Variants in IFT122 observed in about 807,000 individuals in gnomAD.
IFT122 encodes the protein intraflagellar transport protein 122 homolog.
In IFT122, 118 loss-of-function variants were observed where a neutral mutation model predicts 161.6. The ratio of observed to expected loss-of-function variants is 0.73; its 90% CI spans 0.63 to 0.85. The LOEUF (loss-of-function observed/expected upper bound fraction) is 0.85, where lower values mean the gene tolerates loss of function less well. Ranked by LOEUF, IFT122 falls within the 40% of genes least tolerant of loss-of-function variation. The probability of loss-of-function intolerance (pLI) is 0.00; values close to 1 mark genes in which losing one functional copy is unlikely to be tolerated. For missense variants in IFT122, 1,381 were observed against 1,579.6 expected (o/e 0.87, Z 2.13); for synonymous variants, 550 against 602.4 (o/e 0.91, Z 1.27).
chr3:129,481,789 C>G, intron 14 of IFT122, 95 bp downstream of exon 14: 1 of 1,400,704 alleles, frequency 7.1e-7, no homozygotes, highest in Non-Finnish European at 1.0e-6. Context: ...TGCTCTGGCC[C>G]AGGCAGGTCT....
intron 18 of IFT122, among the ~76,000 whole-genome samples, chr3:129,499,125 TC>T (rs1357261269): frequency 6.6e-6 from 1 of 151,910 alleles, no homozygotes; most frequent in African/African-American, 2.4e-5. Context: ...TGCCTCAGAT[TC>T]CCCCATGGCC....
rs1280013063 is a variant in IFT122, at chr3:129,440,384, G to A, written c.41+13G>A. ...AAGCCGAGCACTGGTGAGGAGCGGG[G>A]CGGTTCGCGAAGAGCAGGAGGTCGA... On this transcript the variant is annotated intron_variant, in intron 1 of 29. Coordinates refer to ENST00000348417, the MANE Select transcript of IFT122 (RefSeq NM_052989.3). The A allele has an allele frequency of 6.4e-7, 1 of 1,550,490 alleles. No homozygotes were observed. The highest frequency in any genetic ancestry group is 2.0e-5 in the Admixed American group (1 of 51,004).
At chr3:129,456,135 C>A in intron 3 of IFT122, 1 of 627,932 alleles carries the variant, frequency 1.6e-6, no homozygotes, top group Non-Finnish European at 2.6e-6. Context: ...TCTTCAGTAG[C>A]TTGTTTGGGT....
intron 5 of IFT122, chr3:129,461,579 G>T (rs1415544031): frequency 2.1e-6 from 1 of 478,030 alleles, no homozygotes; most frequent in Non-Finnish European, 3.8e-6. Flanking sequence ...GCATAACTTG[G>T]TGTTGCTGCC....
At chr3:129,467,320 C>T (rs1196918258) in intron 8 of IFT122, among the ~76,000 whole-genome samples, 1 of 152,152 alleles carries the variant, frequency 6.6e-6, no homozygotes, top group Non-Finnish European at 1.5e-5. Flanking sequence ...AACCCCATCC[C>T]CTGAGGAAAT....
intron 3 of IFT122, among the ~76,000 whole-genome samples, chr3:129,456,466 G>A (rs1308521571): frequency 6.6e-6 from 1 of 151,782 alleles, no homozygotes; most frequent in African/African-American, 2.4e-5. Context: ...GTGAAACCTC[G>A]TCTGTACTAA....
intron 6 of IFT122, 68 bp from the exon 7 acceptor site, chr3:129,464,567 C>T (rs2076514703): frequency 6.9e-6 from 11 of 1,589,576 alleles, no homozygotes; most frequent in South Asian, 1.1e-5. Context: ...AAGGCATCAT[C>T]CTCACTAGTT....
intron 20 of IFT122, chr3:129,503,918 G>A: frequency 3.0e-6 from 1 of 334,798 alleles, no homozygotes; most frequent in East Asian, 8.2e-5. Flanking sequence ...GAAGCCCACA[G>A]TCATCTTTGA....
At chr3:129,453,330 TG>T (rs1225481392) in intron 3 of IFT122, among the ~76,000 whole-genome samples, 1 of 150,834 alleles carries the variant, frequency 6.6e-6, no homozygotes, top group East Asian at 1.9e-4. Context: ...CAACTGAGAG[TG>T]GCAATGGGGA....
chr3:129,487,910 G>A (rs1291149687), intron 15 of IFT122: 1 of 382,030 alleles, frequency 2.6e-6, no homozygotes, highest in East Asian at 6.0e-5. Flanking sequence ...TTTCAACAGG[G>A]CCTTGAAAGC....
At chr3:129,491,006 G>T (rs2080015911) in intron 16 of IFT122, among the ~76,000 whole-genome samples, 1 of 152,196 alleles carries the variant, frequency 6.6e-6, no homozygotes, top group Admixed American at 6.5e-5. Flanking sequence ...AGCTCTGGGA[G>T]GTGTCATGAT....
At chr3:129,517,823 C>G (rs1295325848) in intron 27 of IFT122, among the ~76,000 whole-genome samples, 1 of 152,202 alleles carries the variant, frequency 6.6e-6, no homozygotes, top group African/African-American at 2.4e-5. Context: ...CCTTGGTCTT[C>G]CCGTGTGGGT....
At chr3:129,451,179 G>C (rs1484175515) in intron 2 of IFT122, among the ~76,000 whole-genome samples, 3 of 152,020 alleles carry the variant, frequency 2.0e-5, no homozygotes, top group Non-Finnish European at 4.4e-5. Flanking sequence ...GATCACTGCA[G>C]CCTCAAACTC....
intron 11 of IFT122, among the ~76,000 whole-genome samples, chr3:129,477,290 C>T (rs186815568): frequency 5.3e-5 from 8 of 152,134 alleles, no homozygotes; most frequent in Non-Finnish European, 8.8e-5. Flanking sequence ...TTCCCGGCCT[C>T]GCATAGTCAT....
chr3:129,458,621 A>T lies in IFT122; in HGVS notation c.216A>T (p.Ser72=). 6.2e-7 allele frequency: 1 copy of T among 1,614,158 alleles called. No homozygotes were observed. The highest frequency in any genetic ancestry group is 8.5e-7 in the Non-Finnish European group (1 of 1,179,954). ...AKDGKRFASG[S]ADKSVIIWTS... is the part of the protein sequence containing the mutation. ...TAGGCAAGCGCTTTGCTTCTGGATC[A>T]GCTGACAAAAGCGTTATTATCTGGA... The change falls in exon 4 of 30, where the codon TCA becomes TCT. Residue 72 remains serine, a synonymous_variant. Transcript: ENST00000348417.
intron 19 of IFT122, among the ~76,000 whole-genome samples, chr3:129,500,736 G>GT (rs1317166194): frequency 1.3e-5 from 2 of 152,186 alleles, no homozygotes; most frequent in Non-Finnish European, 2.9e-5. Flanking sequence ...AATAAAAGAC[G>GT]TGTGGGAATG....
chr3:129,486,989 T>A (rs1327505406), intron 15 of IFT122, among the ~76,000 whole-genome samples: 3 of 152,240 alleles, frequency 2.0e-5, no homozygotes. Flanking sequence ...CAGCCATGTT[T>A]TGCTCTGAGA....
intron 17 of IFT122, 60 bp downstream of exon 17, chr3:129,492,254 GCAGCCCTTCTAA>G: frequency 7.6e-7 from 1 of 1,318,782 alleles, no homozygotes; most frequent in South Asian, 1.2e-5. Flanking sequence ...TGTTTTAGGG[GCAGCCCTTCTAA>G]CAGGCAAGAG....
chr3:129,506,474 G>T lies in IFT122; in HGVS notation c.2716G>T (p.Val906Leu). Reference protein sequence around the residue: ...QVLEQLTNNAVAESRFNDAAY... With the variant: ...QVLEQLTNNALAESRFNDAAY... The stretch of plus-strand genomic sequence containing the variant: ...GCTGGAGCAGCTCACAAACAATGCC[G>T]TGGCGGAGAGCAGGTTTAATGATGC... The change falls in exon 22 of 30, where the codon GTG becomes TTG. Residue 906 changes from valine to leucine, a missense_variant. Val to Leu is a conservative substitution (Grantham distance 32). This residue lies in a region of IFT122 where 496 missense variants were observed against 502.5 expected (regional missense o/e 0.99). Coordinates refer to ENST00000348417, the MANE Select transcript of IFT122 (RefSeq NM_052989.3). The T allele has an allele frequency of 6.2e-7, 1 of 1,614,228 alleles. No homozygotes were observed. Among genetic ancestry groups the T allele is most frequent in the Non-Finnish European group, 8.5e-7 (1 of 1,180,030 alleles).
Sources: gnomAD v4.1 joint callset for allele counts (sites outside exome capture counted in the v4.1 genomes callset) on GRCh38, gnomAD v4.1.1 for gene constraint, gnomAD v4.1.1 regional missense constraint, MANE v1.5 for transcripts, NCBI Gene and HGNC (gene_info 2026-07-23, HGNC 2026-07-21) for gene names.